NAALADL2: variants seen among roughly 807,000 people sequenced by gnomAD.
NAALADL2 encodes the protein inactive N-acetylated-alpha-linked acidic dipeptidase-like protein 2.
In NAALADL2, 76 loss-of-function variants were observed where a neutral mutation model predicts 87.2. That is an observed-to-expected ratio of 0.87 (90% CI 0.72 to 1.05). The LOEUF is 1.05. Ranked by LOEUF, NAALADL2 falls within the 50% of genes least tolerant of loss-of-function variation. The pLI is 0.00. For synonymous variants in NAALADL2, 354 were observed against 331.0 expected (o/e 1.07, Z -0.75); for missense variants, 1,089 against 945.8 (o/e 1.15, Z -1.99).
intron 2 of NAALADL2, among the ~76,000 whole-genome samples, chr3:174,597,569 A>G (rs912328273): frequency 6.6e-6 from 1 of 152,140 alleles, no homozygotes; most frequent in African/African-American, 2.4e-5. Flanking sequence ...GAGCCTTTCC[A>G]TATACAATAT....
At chr3:174,972,948 A>G (rs994915574) in intron 1 of NAALADL2, among the ~76,000 whole-genome samples, 1 of 150,234 alleles carries the variant, frequency 6.7e-6, no homozygotes. Context: ...GTGAGCTGAG[A>G]TCGTGCCATT....
chr3:175,333,453 TGTG>T (rs1375728036), intron 5 of NAALADL2, among the ~76,000 whole-genome samples: 3 of 152,110 alleles, frequency 2.0e-5, no homozygotes, highest in African/African-American at 7.2e-5. Context: ...ATAAATAAAA[TGTG>T]GTATATATGC....
chr3:174,469,381 C>T (rs1426396542), intron 1 of NAALADL2, among the ~76,000 whole-genome samples: 2 of 151,710 alleles, frequency 1.3e-5, no homozygotes, highest in Non-Finnish European at 2.9e-5. Context: ...CGTCAGCCTC[C>T]GGAATAACTG....
chr3:175,537,302 T>C (rs1734952789), intron 9 of NAALADL2, among the ~76,000 whole-genome samples: 1 of 152,210 alleles, frequency 6.6e-6, no homozygotes, highest in Non-Finnish European at 1.5e-5. Flanking sequence ...ACAGAAGAGA[T>C]AACCTATGAC....
At chr3:175,184,291 A>G (rs1737017157) in intron 2 of NAALADL2, among the ~76,000 whole-genome samples, 1 of 152,140 alleles carries the variant, frequency 6.6e-6, no homozygotes, top group East Asian at 1.9e-4. Context: ...AATATCAAGC[A>G]AAGCTTGAGA....
rs113247693 is a variant in NAALADL2 at position 174,494,461 on chromosome 3, C to T, written c.-184+53429C>T. Among the ~76,000 whole-genome samples, 1,337 of 136,942 alleles carry T rather than the reference C, an allele frequency of 9.8e-3. 11 individuals carry two copies. The highest frequency in any genetic ancestry group is 0.015 in the Non-Finnish European group (954 of 64,190). 89.8% of individuals were successfully genotyped at this position (136,942 alleles called of 152,430 possible). On this transcript the variant is annotated intron_variant, in intron 1 of 3. Transcript: ENST00000434257. ...GACACGGGATGGGGAACATCACACA[C>T]CGGGGCCTGTCCTGGGGTGGGGGGA...
In NAALADL2 at chr3:175,523,972, C is replaced by T. The variant is rs184569010; in HGVS notation, c.1654-52069C>T. On this transcript the variant is annotated intron_variant, in intron 9 of 13. Transcript: ENST00000454872. ...CTTGAACTGCATTCTTTTAGTTTCT[C>T]TCTGATTTATTATAGTTCTTGTTTG... Among the ~76,000 whole-genome samples, 17 of 152,278 alleles carry T rather than the reference C, an allele frequency of 1.1e-4. No homozygotes were observed. In the East Asian group the frequency reaches 3.3e-3, roughly 29 times the overall value.
intron 1 of NAALADL2, among the ~76,000 whole-genome samples, chr3:174,971,039 A>G (rs28378299): frequency 0.068 from 10,331 of 152,144 alleles, 1,165 homozygotes; most frequent in African/African-American, 0.24. Flanking sequence ...CATTTCTTAC[A>G]TGGTGGTGGC....
rs1281655783 is a variant in NAALADL2 at position 175,104,509 on chromosome 3, C to T, written c.545+7218C>T. Among the ~76,000 whole-genome samples the T allele has an allele frequency of 8.6e-5, 13 of 151,990 alleles. No homozygotes were observed. In the East Asian group the frequency reaches 2.5e-3, roughly 29 times the overall value. On this transcript the variant is annotated intron_variant, in intron 2 of 13. Coordinates refer to ENST00000454872, the MANE Select transcript of NAALADL2 (RefSeq NM_207015.3). The stretch of plus-strand genomic sequence containing the variant: ...CTTACTTTCCAACCATTTTTTTGGC[C>T]CCTCTTCACATTATTGTTGTTCCTA...
intron 1 of NAALADL2, among the ~76,000 whole-genome samples, chr3:174,528,819 C>G (rs899663893): frequency 2.6e-5 from 4 of 152,110 alleles, no homozygotes; most frequent in Non-Finnish European, 5.9e-5. Context: ...GAGAATTATT[C>G]ACTCTCATGA....
chr3:175,780,886 T>C (rs554129622), intron 13 of NAALADL2, among the ~76,000 whole-genome samples: 23 of 152,324 alleles, frequency 1.5e-4, no homozygotes, highest in African/African-American at 5.1e-4. Flanking sequence ...AAAATATTAT[T>C]TTTGTGCCTT....
intron 13 of NAALADL2, among the ~76,000 whole-genome samples, chr3:175,800,838 G>C (rs907315685): frequency 6.6e-6 from 1 of 152,136 alleles, no homozygotes; most frequent in Admixed American, 6.6e-5. Context: ...AAAGCAATGA[G>C]ATCATAACAT....
intron 1 of NAALADL2, among the ~76,000 whole-genome samples, chr3:174,473,444 A>T (rs1717029398): frequency 6.6e-6 from 1 of 152,122 alleles, no homozygotes. Context: ...TGACCTTAAA[A>T]ACTTCCTTCC....
At chr3:175,423,051 A>ATATATATATATTTT (rs1458599872) in intron 5 of NAALADL2, among the ~76,000 whole-genome samples, 55 of 91,486 alleles carry the variant, frequency 6.0e-4, no homozygotes, top group Non-Finnish European at 9.3e-4. Context: ...ATATATATAT[A>ATATATATATATTTT]TTTTTTTTTT....
intron 11 of NAALADL2, among the ~76,000 whole-genome samples, chr3:175,667,262 A>AAAGAAAGG (rs1560943971): frequency 2.3e-4 from 33 of 144,134 alleles, no homozygotes; most frequent in African/African-American, 8.4e-4. Context: ...AGAAAGAAAG[A>AAAGAAAGG]AAGGAAGGAA....
intron 2 of NAALADL2, among the ~76,000 whole-genome samples, chr3:174,563,874 G>GT (rs1364963330): frequency 6.6e-6 from 1 of 152,052 alleles, no homozygotes; most frequent in Non-Finnish European, 1.5e-5. Context: ...AAAACCCGTC[G>GT]TAAGAGTCAC....
rs549267238 is a variant in NAALADL2 at position 175,738,300 on chromosome 3, T to C, written c.1990+901T>C. On this transcript the variant is annotated intron_variant, in intron 12 of 13. Transcript: ENST00000454872. ...TCACTGTCTATTGCCCAGGCTGGAG[T>C]GCAGTGGTGCGATCTCAGCTCACTG... 2.5e-3 allele frequency among the ~76,000 whole-genome samples: 375 copies of C among 151,980 alleles called. 1 individual carries two copies. The highest frequency in any genetic ancestry group is 4.1e-3 in the African/African-American group (169 of 41,440).
At chr3:175,529,274 G>A (rs577329815) in intron 9 of NAALADL2, among the ~76,000 whole-genome samples, 3 of 152,290 alleles carry the variant, frequency 2.0e-5, no homozygotes, top group East Asian at 3.9e-4. Flanking sequence ...GGTAAGAGGA[G>A]CCCAAAGTGT....
chr3:175,251,484 T>G (rs1749054989), intron 3 of NAALADL2, among the ~76,000 whole-genome samples: 1 of 152,214 alleles, frequency 6.6e-6, no homozygotes, highest in Non-Finnish European at 1.5e-5. Flanking sequence ...ATGGATAGCT[T>G]AAGTAACTAG....
Sources: gnomAD v4.1 joint callset for allele counts (sites outside exome capture counted in the v4.1 genomes callset) on GRCh38, gnomAD v4.1.1 for gene constraint, MANE v1.5 for transcripts, NCBI Gene and HGNC (gene_info 2026-07-23, HGNC 2026-07-21) for gene names.